The following ANO10 variants were observed in gnomAD, a reference collection of about 807,000 sequenced individuals.
ANO10 encodes the protein anoctamin-10.
Under a neutral mutation model 74.7 loss-of-function variants are expected in ANO10, and 77 were observed. That is an observed-to-expected ratio of 1.03 (90% CI 0.86 to 1.25). The LOEUF is 1.25. ANO10 is among the 50% of genes most tolerant of loss of function. ANO10 has a pLI of 0.00. For missense variants in ANO10, 721 were observed against 778.1 expected (o/e 0.93, Z 0.87); for synonymous variants, 279 against 284.9 (o/e 0.98, Z 0.21).
intron 12 of ANO10, among the ~76,000 whole-genome samples, chr3:43,398,995 T>G (rs1247645925): frequency 6.6e-6 from 1 of 152,130 alleles, no homozygotes; most frequent in African/African-American, 2.4e-5. Flanking sequence ...GCCCAGCTAA[T>G]TTTTGTATTT....
intron 1 of ANO10, chr3:43,690,699 T>G: frequency 2.6e-6 from 1 of 388,998 alleles, no homozygotes. Context: ...CTAAAACACC[T>G]AACTCATTCG....
chr3:43,619,516 A>C (rs191685192), intron 1 of ANO10, among the ~76,000 whole-genome samples: 1 of 152,204 alleles, frequency 6.6e-6, no homozygotes, highest in East Asian at 1.9e-4. Flanking sequence ...ACTTTTTGTA[A>C]ATCTAAAATT....
rs2077464987 is a variant in ANO10 at position 43,510,411 on chromosome 3, A to G, written c.1797+39309T>C. On this transcript the variant is annotated intron_variant, in intron 11 of 12. Transcript: ENST00000292246. ...GTGCCATTGCACTCCAGCCTAGGAGATAATAGTGAAACTCTGTCTCAAAAA... is the reference window on the plus strand; with the variant it reads ...GTGCCATTGCACTCCAGCCTAGGAGGTAATAGTGAAACTCTGTCTCAAAAA... 2.8e-5 allele frequency among the ~76,000 whole-genome samples: 4 copies of G among 143,394 alleles called. No homozygotes were observed. In the South Asian group the frequency reaches 9.4e-4, roughly 34 times the overall value. The allele number at this position is 143,394 out of a possible 152,430, so 94.1% of individuals were successfully genotyped here. A position where few individuals can be genotyped will look rare whatever the true frequency, so the allele number is the denominator to read the frequency against.
intron 1 of ANO10, among the ~76,000 whole-genome samples, chr3:43,650,189 A>G (rs2083772162): frequency 6.6e-6 from 1 of 152,104 alleles, no homozygotes; most frequent in South Asian, 2.1e-4. Context: ...GTGGCTCTCC[A>G]TGGGATGGAT....
chr3:43,392,648 C>T (rs1000667399), intron 12 of ANO10, among the ~76,000 whole-genome samples: 6 of 152,228 alleles, frequency 3.9e-5, no homozygotes, highest in African/African-American at 9.6e-5. Context: ...TCCTAGAATT[C>T]GGCTATTGCC....
intron 11 of ANO10, among the ~76,000 whole-genome samples, chr3:43,450,926 CA>C (rs1484618742): frequency 2.0e-5 from 3 of 152,148 alleles, no homozygotes; most frequent in Non-Finnish European, 4.4e-5. Flanking sequence ...AGGTATCTGC[CA>C]AGTCCAGGCA....
At chr3:43,562,248 C>T (rs748905210) in intron 8 of ANO10, among the ~76,000 whole-genome samples, 9 of 151,638 alleles carry the variant, frequency 5.9e-5, no homozygotes, top group African/African-American at 1.2e-4. Flanking sequence ...GTCAGGAGAT[C>T]GAGACCATCC....
chr3:43,382,402 C>G (rs1035110545), intron 12 of ANO10, among the ~76,000 whole-genome samples: 2 of 151,648 alleles, frequency 1.3e-5, no homozygotes, highest in African/African-American at 4.8e-5. Flanking sequence ...GCCTGTAGTC[C>G]CAGCTACTCG....
At chr3:43,654,876 GT>G (rs1299967191) in intron 1 of ANO10, among the ~76,000 whole-genome samples, 2 of 152,162 alleles carry the variant, frequency 1.3e-5, no homozygotes, top group Non-Finnish European at 2.9e-5. Context: ...TGTACCTTAT[GT>G]TTATATGTTC....
chr3:43,626,295 CTTTTT>C (rs776440890), upstream of ANO10, among the ~76,000 whole-genome samples: 1 of 135,650 alleles, frequency 7.4e-6, no homozygotes. Flanking sequence ...ATGTTCTTCA[CTTTTT>C]TTTTTTTTTT....
At chr3:43,648,276 G>C (rs1483804965) in intron 1 of ANO10, among the ~76,000 whole-genome samples, 1 of 152,200 alleles carries the variant, frequency 6.6e-6, no homozygotes, top group East Asian at 1.9e-4. Context: ...TTCATCTTCT[G>C]CCAATGGGCA....
chr3:43,649,770 C>T (rs532157410), intron 1 of ANO10, among the ~76,000 whole-genome samples: 5 of 152,270 alleles, frequency 3.3e-5, no homozygotes, highest in South Asian at 2.1e-4. Context: ...ATTAGTGAAA[C>T]GGATGAGTTC....
intron 11 of ANO10, among the ~76,000 whole-genome samples, chr3:43,481,424 G>A (rs979155069): frequency 1.3e-5 from 2 of 152,048 alleles, no homozygotes. Flanking sequence ...AAAATTCTAA[G>A]CTCCCCATCT....
At chr3:43,400,701 G>T (rs1393409442) in intron 12 of ANO10, among the ~76,000 whole-genome samples, 1 of 152,054 alleles carries the variant, frequency 6.6e-6, no homozygotes, top group Non-Finnish European at 1.5e-5. Context: ...GATCACTTGG[G>T]CCCGGGAGTC....
chr3:43,399,403 G>C (rs1319104704), intron 12 of ANO10, among the ~76,000 whole-genome samples: 1 of 152,088 alleles, frequency 6.6e-6, no homozygotes, highest in Non-Finnish European at 1.5e-5. Flanking sequence ...TTATTAGAAT[G>C]TTCTCATTTT....
At chr3:43,459,109 G>T (rs555603835) in intron 11 of ANO10, among the ~76,000 whole-genome samples, 119 of 152,238 alleles carry the variant, frequency 7.8e-4, no homozygotes, top group African/African-American at 2.6e-3. Flanking sequence ...GGCTCTAAGA[G>T]CAATAGCTAG....
At chr3:43,383,422 C>T (rs900620571) in intron 12 of ANO10, among the ~76,000 whole-genome samples, 1 of 147,754 alleles carries the variant, frequency 6.8e-6, no homozygotes, top group Non-Finnish European at 1.5e-5. Context: ...CCACTGCACT[C>T]CAGCCTGGGC....
chr3:43,634,804 A>C (rs1003045002), intron 1 of ANO10, among the ~76,000 whole-genome samples: 1 of 152,218 alleles, frequency 6.6e-6, no homozygotes, highest in Non-Finnish European at 1.5e-5. Context: ...TGATTAGCAC[A>C]GGCAATCAGA....
intron 12 of ANO10, among the ~76,000 whole-genome samples, chr3:43,414,815 T>C (rs1343536458): frequency 1.3e-5 from 2 of 152,144 alleles, no homozygotes; most frequent in Non-Finnish European, 2.9e-5. Context: ...ATTTCTTTGT[T>C]ACACTCAATT....
Sources: gnomAD v4.1 joint callset for allele counts (sites outside exome capture counted in the v4.1 genomes callset) on GRCh38, gnomAD v4.1.1 for gene constraint, MANE v1.5 for transcripts, NCBI Gene and HGNC (gene_info 2026-07-23, HGNC 2026-07-21) for gene names.